ZFHX3: variants seen among roughly 807,000 people sequenced by gnomAD.
ZFHX3 encodes the protein zinc finger homeobox protein 3.
In ZFHX3, 42 loss-of-function variants were observed where a neutral mutation model predicts 279.1. The ratio of observed to expected loss-of-function variants is 0.15; its 90% CI spans 0.12 to 0.19. ZFHX3 has a LOEUF of 0.19. Among genes scored for constraint, ZFHX3 ranks in the 10% least tolerant of loss-of-function variants. The pLI, the probability that ZFHX3 is intolerant of heterozygous loss-of-function variation, is 1.00. For synonymous variants in ZFHX3, 2,293 were observed against 1,957.8 expected, an observed-to-expected ratio of 1.17 and a Z score of -4.52; for missense variants, 4,981 against 4,754.0, an observed-to-expected ratio of 1.05 and a Z score of -1.40.
At chr16:73,315,004 G>A (rs1198519511) in intron 4 of ZFHX3, among the ~76,000 whole-genome samples, 2 of 152,136 alleles carry the variant, frequency 1.3e-5, no homozygotes, top group South Asian at 4.1e-4. Context: ...GAGGCAGGCG[G>A]ATCACCTAAG....
chr16:73,607,940 T>A (rs2052207529), intron 2 of ZFHX3, among the ~76,000 whole-genome samples: 1 of 152,028 alleles, frequency 6.6e-6, no homozygotes, highest in South Asian at 2.1e-4. Context: ...GTCATGGAAG[T>A]CTGTGCCTGT....
At chr16:73,045,300 C>T (rs1190515622) in intron 1 of ZFHX3, among the ~76,000 whole-genome samples, 1 of 152,240 alleles carries the variant, frequency 6.6e-6, no homozygotes, top group Admixed American at 6.5e-5. Flanking sequence ...GAACTAACCA[C>T]TTTTGGGTCA....
intron 1 of ZFHX3, among the ~76,000 whole-genome samples, chr16:73,786,056 A>T (rs1191094486): frequency 1.3e-5 from 2 of 152,058 alleles, no homozygotes; most frequent in East Asian, 3.9e-4. Flanking sequence ...TTTTTAGTAG[A>T]GACGGGCTTT....
intron 4 of ZFHX3, among the ~76,000 whole-genome samples, chr16:72,837,086 T>C (rs1316901456): frequency 6.6e-6 from 1 of 152,210 alleles, no homozygotes; most frequent in Non-Finnish European, 1.5e-5. Flanking sequence ...AAGCTGCCTC[T>C]TCAGTAGGAC....
intron 1 of ZFHX3, among the ~76,000 whole-genome samples, chr16:73,762,423 T>C (rs566499046): frequency 6.6e-6 from 1 of 152,314 alleles, no homozygotes; most frequent in East Asian, 1.9e-4. Flanking sequence ...GTGTGGCGAT[T>C]CCTTAAAGAT....
chr16:73,653,744 T>C (rs1272278295), intron 2 of ZFHX3, among the ~76,000 whole-genome samples: 1 of 150,912 alleles, frequency 6.6e-6, no homozygotes. Flanking sequence ...TAAAACAGAA[T>C]GTGTTGAAAA....
intron 1 of ZFHX3, among the ~76,000 whole-genome samples, chr16:73,875,099 G>T (rs974997460): frequency 7.2e-5 from 11 of 152,148 alleles, no homozygotes; most frequent in African/African-American, 2.4e-4. Context: ...AGTTATAAAT[G>T]TTTAAAATGT....
intron 4 of ZFHX3, among the ~76,000 whole-genome samples, chr16:73,309,170 G>T (rs767068957): frequency 6.6e-6 from 1 of 152,088 alleles, no homozygotes; most frequent in Non-Finnish European, 1.5e-5. Flanking sequence ...GGACTATTTT[G>T]TCATCTGAGT....
rs2144440594 is a variant in ZFHX3, at chr16:72,958,250, C to T, written c.1896G>A (p.Gly632=). ...CCACGCCACTCCCCGAGGGGCACTCCCCAACCCCAAGCTCGCAGAGGGAGC... is the reference window on the plus strand; with the variant it reads ...CCACGCCACTCCCCGAGGGGCACTCTCCAACCCCAAGCTCGCAGAGGGAGC... The part of the protein sequence containing the change: ...HAGSLCELGV[G]ECPSGSGVEC... The change falls in exon 2 of 10, where the codon GGG becomes GGA. Residue 632 remains glycine (G), a synonymous_variant. Coordinates refer to ENST00000268489, the MANE Select transcript of ZFHX3 (RefSeq NM_006885.4). 1 of 1,613,860 alleles carries T rather than the reference C, an allele frequency of 6.2e-7. No homozygotes were observed. Among genetic ancestry groups the T allele is most frequent in the South Asian group, 1.1e-5 (1 of 91,084 alleles).
intron 1 of ZFHX3, among the ~76,000 whole-genome samples, chr16:72,981,496 A>C (rs1962598280): frequency 6.6e-6 from 1 of 152,236 alleles, no homozygotes; most frequent in African/African-American, 2.4e-5. Flanking sequence ...TTAAAAAATC[A>C]GATGTTTACC....
chr16:72,969,868 C>T (rs1028996001), intron 1 of ZFHX3, among the ~76,000 whole-genome samples: 5 of 152,152 alleles, frequency 3.3e-5, no homozygotes, highest in African/African-American at 1.2e-4. Context: ...AGCAATTTCC[C>T]AGCAGCCTTC....
intron 2 of ZFHX3, among the ~76,000 whole-genome samples, chr16:73,663,890 C>A (rs1357281932): frequency 2.0e-5 from 3 of 152,138 alleles, no homozygotes; most frequent in Admixed American, 2.0e-4. Flanking sequence ...CTGTAACCAC[C>A]CCCACCTCAG....
intron 2 of ZFHX3, among the ~76,000 whole-genome samples, chr16:73,497,574 G>A (rs1298201916): frequency 6.6e-6 from 1 of 152,166 alleles, no homozygotes; most frequent in Non-Finnish European, 1.5e-5. Context: ...GGAGGCTGAG[G>A]CAGGAAGATC....
chr16:72,864,428 G>A (rs1370975062), intron 4 of ZFHX3, among the ~76,000 whole-genome samples: 2 of 152,172 alleles, frequency 1.3e-5, no homozygotes, highest in Admixed American at 6.5e-5. Context: ...AACTCAGAGC[G>A]TCGTGCTCTC....
chr16:73,797,196 T>G (rs1960019546), intron 1 of ZFHX3, among the ~76,000 whole-genome samples: 1 of 133,944 alleles, frequency 7.5e-6, no homozygotes, highest in Non-Finnish European at 1.6e-5. Context: ...AGAGTGAAAC[T>G]CTATCTCAAA....
At chr16:73,055,860 A>ACACACACC (rs1965545552) in intron 1 of ZFHX3, among the ~76,000 whole-genome samples, 1 of 151,612 alleles carries the variant, frequency 6.6e-6, no homozygotes, top group African/African-American at 2.4e-5. Context: ...ACACACACAC[A>ACACACACC]CACACACACA....
At chr16:73,773,001 T>C (rs2054036113) in intron 1 of ZFHX3, among the ~76,000 whole-genome samples, 1 of 152,206 alleles carries the variant, frequency 6.6e-6, no homozygotes, top group East Asian at 1.9e-4. Flanking sequence ...TGTGTCATGC[T>C]ATCCTAGGTA....
chr16:73,191,296 G>C (rs1007834745), intron 5 of ZFHX3, among the ~76,000 whole-genome samples: 1 of 152,132 alleles, frequency 6.6e-6, no homozygotes, highest in African/African-American at 2.4e-5. Context: ...ACGTTCCGTG[G>C]CTCCCCCCGG....
chr16:73,448,733 T>G (rs539864736), intron 3 of ZFHX3, among the ~76,000 whole-genome samples: 1 of 149,634 alleles, frequency 6.7e-6, no homozygotes, highest in South Asian at 2.1e-4. Flanking sequence ...TCTTCCTCTT[T>G]TAAGGCACAT....
Sources: gnomAD v4.1 joint callset for allele counts (sites outside exome capture counted in the v4.1 genomes callset) on GRCh38, gnomAD v4.1.1 for gene constraint, MANE v1.5 for transcripts, NCBI Gene and HGNC (gene_info 2026-07-23, HGNC 2026-07-21) for gene names.